The following TFR2 variants were observed in gnomAD, a reference collection of about 807,000 sequenced individuals.
TFR2 encodes the protein transferrin receptor protein 2.
In TFR2, 64 loss-of-function variants were observed where a neutral mutation model predicts 91.9. The observed-to-expected ratio is 0.70, with a 90% CI of 0.57 to 0.86. TFR2 has a LOEUF of 0.86. Ranked by LOEUF, TFR2 falls within the 40% of genes least tolerant of loss-of-function variation. The pLI, the probability that TFR2 is intolerant of heterozygous loss-of-function variation, is 0.00. For synonymous variants in TFR2, 454 were observed against 459.6 expected, an observed-to-expected ratio of 0.99 and a Z score of 0.15; for missense variants, 950 against 1,080.5, an observed-to-expected ratio of 0.88 and a Z score of 1.69.
intron 3 of TFR2, among the ~76,000 whole-genome samples, chr7:100,639,212 CA>C (rs1294706357): frequency 2.6e-5 from 4 of 152,018 alleles, no homozygotes; most frequent in African/African-American, 9.7e-5. Flanking sequence ...CTAAAAAATA[CA>C]AAAATTAATC....
intron 17 of TFR2, among the ~76,000 whole-genome samples, chr7:100,623,076 C>T (rs199686679): frequency 6.1e-5 from 9 of 146,948 alleles, no homozygotes; most frequent in African/African-American, 7.5e-5. Flanking sequence ...AGATCAAGAC[C>T]ATCCTGGCCA....
At chr7:100,626,352 T>C in intron 17 of TFR2, 1 of 701,060 alleles carries the variant, frequency 1.4e-6, no homozygotes, top group Non-Finnish European at 1.8e-6. Context: ...TCTCTTACTC[T>C]GAATATCTTT....
chr7:100,636,790 G>T (rs1803578503), intron 3 of TFR2, among the ~76,000 whole-genome samples: 1 of 151,782 alleles, frequency 6.6e-6, no homozygotes, highest in East Asian at 1.9e-4. Context: ...CGAGAGCCAT[G>T]TTTCACTCTT....
intron 6 of TFR2, 133 bp downstream of exon 6, chr7:100,632,868 G>T: frequency 1.3e-6 from 2 of 1,497,236 alleles, no homozygotes; most frequent in Non-Finnish European, 1.9e-6. Flanking sequence ...ATCGTGCCCA[G>T]CTTATATTTT....
At chr7:100,633,588 C>T in intron 3 of TFR2, 32 bp from the exon 4 acceptor site, 3 of 1,579,550 alleles carry the variant, frequency 1.9e-6, no homozygotes, top group Non-Finnish European at 2.6e-6. Context: ...CTTTTCTGGG[C>T]GCCCGGAGGA....
intron 9 of TFR2, 43 bp from the exon 10 acceptor site, chr7:100,629,415 T>C: frequency 1.2e-6 from 2 of 1,611,448 alleles, no homozygotes; most frequent in Non-Finnish European, 1.7e-6. Flanking sequence ...CACTGCACCC[T>C]GCACCCTGGG....
chr7:100,633,827 G>A (rs1371623621), intron 3 of TFR2, among the ~76,000 whole-genome samples: 1 of 148,394 alleles, frequency 6.7e-6, no homozygotes, highest in East Asian at 2.0e-4. Context: ...TCCTGCCTCG[G>A]CCTCCCTCGT....
chr7:100,638,254 C>T (rs967277443), intron 3 of TFR2, among the ~76,000 whole-genome samples: 3 of 151,964 alleles, frequency 2.0e-5, no homozygotes, highest in Middle Eastern at 6.8e-3. Flanking sequence ...CTGCCCACCT[C>T]GGCCTCCCAA....
chr7:100,620,994 C>T lies in TFR2; in HGVS notation c.2269G>A (p.Gly757Arg), dbSNP rs774907552. 1.4e-5 allele frequency: 23 copies of T among 1,609,482 alleles called. 1 individual carries two copies. The highest frequency in any genetic ancestry group is 5.1e-5 in the Admixed American group (3 of 59,402). ...GTGGAGGAGGTGGCCCCGGGGGTCCCGGAGCTGTTGGAGCGCAGCAGCCGC... is the reference window on the plus strand; with the variant it reads ...GTGGAGGAGGTGGCCCCGGGGGTCCTGGAGCTGTTGGAGCGCAGCAGCCGC... ...HLRLLRSNSS[G>R]TPGATSSTGF... The change falls in exon 18 of 18, where the codon GGG becomes AGG. Residue 757 changes from glycine to arginine, a missense_variant. Transcript: ENST00000223051.
At chr7:100,636,170 C>CTT (rs10584926) in intron 3 of TFR2, among the ~76,000 whole-genome samples, 47 of 85,698 alleles carry the variant, frequency 5.5e-4, no homozygotes, top group South Asian at 7.8e-4. Flanking sequence ...CACCCTGCAT[C>CTT]TTTTTTTTTT....
Position 100,620,641 on chromosome 7 carries a change from G to A in TFR2, c.*216C>T, listed in dbSNP as rs1803075730. On this transcript the variant is annotated 3_prime_UTR_variant, in exon 18 of 18. Transcript: ENST00000223051. ...GATGCTACTCTCTGATTAACCGACAGTATGACCGTCACATTAGGGTCAGCT... is the reference window on the plus strand; with the variant it reads ...GATGCTACTCTCTGATTAACCGACAATATGACCGTCACATTAGGGTCAGCT... The A allele has an allele frequency of 1.7e-6, 1 of 603,164 alleles. No individual in the cohort carries two copies. Among genetic ancestry groups the A allele is most frequent in the East Asian group, 2.9e-5 (1 of 33,978 alleles). The allele number at this position is 603,164 out of a possible 1,614,324, so 37.4% of individuals were successfully genotyped here.
intron 17 of TFR2, among the ~76,000 whole-genome samples, chr7:100,623,261 G>A (rs1803156099): frequency 3.3e-5 from 5 of 152,212 alleles, no homozygotes; most frequent in Admixed American, 3.3e-4. Context: ...GACAGAGCGA[G>A]ACTCCGTCTC....
intron 16 of TFR2, 85 bp from the exon 17 acceptor site, chr7:100,626,988 G>A: frequency 6.8e-7 from 1 of 1,472,554 alleles, no homozygotes; most frequent in Non-Finnish European, 9.0e-7. Context: ...CGCCTAGCAT[G>A]GGGAAGGGGG....
chr7:100,622,224 C>T (rs1469763220), intron 17 of TFR2, among the ~76,000 whole-genome samples: 2 of 152,166 alleles, frequency 1.3e-5, no homozygotes, highest in African/African-American at 4.8e-5. Context: ...TTAAGGCCTC[C>T]ATCATTCACT....
chr7:100,630,576 C>T (rs1248868101), intron 9 of TFR2, among the ~76,000 whole-genome samples: 2 of 152,236 alleles, frequency 1.3e-5, no homozygotes, highest in African/African-American at 2.4e-5. Flanking sequence ...AGGCGTGAGC[C>T]ACCACACCCG....
rs376689811 is a variant in TFR2 at position 100,637,033 on chromosome 7, AG to A, written c.474-3478del. ...GTAATCCAAGAAATTTGGGAGGCCAAGGTAGGAGGATTGCTTGAGCCCAGGA... is the reference window on the plus strand; with the variant it reads ...GTAATCCAAGAAATTTGGGAGGCCAAGTAGGAGGATTGCTTGAGCCCAGGA... On this transcript the variant is annotated intron_variant, in intron 3 of 17. Coordinates refer to ENST00000223051, the MANE Select transcript of TFR2 (RefSeq NM_003227.4). Among the ~76,000 whole-genome samples the A allele has an allele frequency of 4.2e-3, 646 of 152,314 alleles. 3 individuals carry two copies. The highest frequency in any genetic ancestry group is 0.013 in the African/African-American group (535 of 41,588).
Position 100,630,877 on chromosome 7 carries a change from C to G in TFR2, c.1270+12G>C. ...ACCACCAGCTGTGAGTGATACTGGA[C>G]ACACAGCATACCTGGCTCTGAGCGG... is the stretch of plus-strand genomic sequence containing the variant. On this transcript the variant is annotated intron_variant, in intron 9 of 17. Transcript: ENST00000223051. 6.2e-7 allele frequency: 1 copy of G among 1,612,384 alleles called. No individual in the cohort carries two copies. The highest frequency in any genetic ancestry group is 8.5e-7 in the Non-Finnish European group (1 of 1,179,806).
At position 100,633,153 on chromosome 7, in the gene TFR2, C is replaced by T. The variant is rs1323283042; in HGVS notation, c.727-30G>A. ...GGACACGAGGACGGTGAGGCGCGCT[C>T]CCCGCGTCCCTCCTTCGAGACCCAG... On this transcript the variant is annotated intron_variant, in intron 5 of 17. Coordinates refer to ENST00000223051, the MANE Select transcript of TFR2 (RefSeq NM_003227.4). 4 of 1,613,150 alleles carry T rather than the reference C, an allele frequency of 2.5e-6. No individual in the cohort carries two copies. The South Asian group carries it at 4.4e-5, about 18-fold the overall frequency.
At chr7:100,640,006 G>T (rs898442440) in intron 3 of TFR2, 3 of 152,106 alleles carry the variant, frequency 2.0e-5, no homozygotes, top group African/African-American at 7.3e-5. Context: ...AGATGGTCTC[G>T]ATATCCTGAC....
Sources: allele counts gnomAD v4.1 joint callset (sites outside exome capture counted in the v4.1 genomes callset), GRCh38; gene constraint gnomAD v4.1.1; transcripts MANE v1.5; gene names NCBI Gene and HGNC (gene_info 2026-07-23, HGNC 2026-07-21).